CAPN2: variants seen among roughly 807,000 people sequenced by gnomAD.
The protein encoded by CAPN2 is calpain 2.
Under a neutral mutation model 102.3 loss-of-function variants are expected in CAPN2, and 92 were observed. The observed-to-expected ratio is 0.90, with a 90% CI of 0.76 to 1.07. The LOEUF (loss-of-function observed/expected upper bound fraction) is 1.07. CAPN2 is among the 50% of genes least tolerant of loss of function. The probability of loss-of-function intolerance (pLI) is 0.00; values close to 1 mark genes in which losing one functional copy is unlikely to be tolerated. For synonymous variants in CAPN2, 340 were observed against 355.4 expected (o/e 0.96, Z 0.49); for missense variants, 800 against 909.4 (o/e 0.88, Z 1.55).
intron 2 of CAPN2, among the ~76,000 whole-genome samples, chr1:223,728,742 G>A (rs1043120038): frequency 2.0e-5 from 3 of 152,170 alleles, no homozygotes; most frequent in Non-Finnish European, 4.4e-5. Context: ...TGTGTTTTCT[G>A]GGACTTCCCA....
chr1:223,744,627 G>C (rs28370052), intron 3 of CAPN2, among the ~76,000 whole-genome samples: 3 of 152,096 alleles, frequency 2.0e-5, no homozygotes, highest in Non-Finnish European at 4.4e-5. Context: ...TTGGGAGGCC[G>C]AGGTGGGCAG....
upstream of CAPN2, among the ~76,000 whole-genome samples, chr1:223,708,866 AGAAG>A (rs141273392): frequency 7.6e-4 from 116 of 152,140 alleles, no homozygotes; most frequent in East Asian, 0.018. Flanking sequence ...AGAGAAAAAG[AGAAG>A]GAAGGAAGGA....
intron 2 of CAPN2, among the ~76,000 whole-genome samples, 174 bp downstream of exon 2, chr1:223,718,005 C>T (rs987771906): frequency 2.0e-5 from 3 of 152,222 alleles, no homozygotes; most frequent in Admixed American, 6.5e-5. Flanking sequence ...ACCCTCAGCC[C>T]CATGCTGGGG....
chr1:223,740,444 T>C (rs1311316732), intron 2 of CAPN2, among the ~76,000 whole-genome samples: 2 of 152,220 alleles, frequency 1.3e-5, no homozygotes, highest in African/African-American at 4.8e-5. Flanking sequence ...TTCCATTGGC[T>C]GGAACAGGAC....
intron 5 of CAPN2, among the ~76,000 whole-genome samples, chr1:223,747,379 A>G (rs1474831915): frequency 6.6e-6 from 1 of 152,222 alleles, no homozygotes; most frequent in African/African-American, 2.4e-5. Context: ...ATACAAATGT[A>G]TGAATGTGGA....
chr1:223,752,982 G>A (rs756025574), intron 9 of CAPN2, 26 bp downstream of exon 9: 16 of 1,610,662 alleles, frequency 9.9e-6, no homozygotes, highest in Non-Finnish European at 1.4e-5. Context: ...TATAAGGGCT[G>A]TTGCAATGCG....
At position 223,721,479 on chromosome 1, in the gene CAPN2, C is replaced by A. The variant is rs1012974685; in HGVS notation, c.307+3648C>A. Among the ~76,000 whole-genome samples, 4 of 152,340 alleles carry A rather than the reference C, an allele frequency of 2.6e-5. No individual in the cohort carries two copies. In the East Asian group the frequency reaches 7.7e-4, roughly 29 times the overall value. On this transcript the variant is annotated intron_variant, in intron 2 of 20. Coordinates refer to ENST00000295006, the MANE Select transcript of CAPN2 (RefSeq NM_001748.5). ...ACCCCAGCCAGGAAGGCATAGGTCA[C>A]CTTGCAGGCCTCTGATTTCCTGGGG...
chr1:223,752,685 A>G, intron 8 of CAPN2, 111 bp from the exon 9 acceptor site: 1 of 983,350 alleles, frequency 1.0e-6, no homozygotes, highest in Non-Finnish European at 1.5e-6. Context: ...CTCAGTTCTA[A>G]TGAGCTGCTC....
Position 223,751,994 on chromosome 1 carries a change from C to G in CAPN2, c.900-3C>G. ...ACGCCTCTCTCTTTACTTTGTTTTC[C>G]AGCTGCCCAAGCTGGAACACTATAG... On this transcript the variant is annotated splice_region_variant and splice_polypyrimidine_tract_variant and intron_variant, in intron 7 of 20. Coordinates refer to ENST00000295006, the MANE Select transcript of CAPN2 (RefSeq NM_001748.5). The G allele has an allele frequency of 6.3e-7, 1 of 1,597,374 alleles. No individual in the cohort carries two copies.
intron 5 of CAPN2, among the ~76,000 whole-genome samples, chr1:223,748,298 G>A (rs1660800430): frequency 6.6e-6 from 1 of 152,222 alleles, no homozygotes; most frequent in Admixed American, 6.5e-5. Context: ...GGTCTCTGCG[G>A]GGGACAGAGA....
chr1:223,774,888 A>C lies in CAPN2; in HGVS notation c.*31A>C. 1 of 1,598,578 alleles carries C rather than the reference A, an allele frequency of 6.3e-7. No individual in the cohort carries two copies. Among genetic ancestry groups the C allele is most frequent in the South Asian group, 1.1e-5 (1 of 90,220 alleles). ...TAACTAATCTGCCTGAAGACTTCTC[A>C]TGATGGAAAATCAGCCAAGGACTAA... is the stretch of plus-strand genomic sequence containing the variant. On this transcript the variant is annotated 3_prime_UTR_variant, in exon 21 of 21. Coordinates refer to ENST00000295006, the MANE Select transcript of CAPN2 (RefSeq NM_001748.5).
rs1389237572 is a variant in CAPN2, at chr1:223,726,022, G to T, written c.307+8191G>T. On this transcript the variant is annotated intron_variant, in intron 2 of 20. Coordinates refer to ENST00000295006, the MANE Select transcript of CAPN2 (RefSeq NM_001748.5). The surrounding 1 kb of genome is among the most constrained non-coding windows in gnomAD (Gnocchi z 4.4). Reference sequence around the variant, plus strand: ...CGTCTCTCGGGAGACCAGGATCCGAGTGAGAAAGTTTCCCACGTTCATTCT... The same window carrying T: ...CGTCTCTCGGGAGACCAGGATCCGATTGAGAAAGTTTCCCACGTTCATTCT... 5.3e-5 allele frequency among the ~76,000 whole-genome samples: 8 copies of T among 152,184 alleles called. No homozygotes were observed. The highest frequency in any genetic ancestry group is 5.2e-4 in the Admixed American group (8 of 15,270).
intron 9 of CAPN2, among the ~76,000 whole-genome samples, chr1:223,753,693 A>G (rs1389640980): frequency 6.6e-6 from 1 of 152,250 alleles, no homozygotes; most frequent in Non-Finnish European, 1.5e-5. Flanking sequence ...ATGATACCAC[A>G]GGTGGAAAAT....
intron 2 of CAPN2, among the ~76,000 whole-genome samples, chr1:223,741,465 TA>T (rs1558068055): frequency 0.014 from 1,997 of 146,654 alleles, 72 homozygotes; most frequent in African/African-American, 0.045. Flanking sequence ...TATATATATA[TA>T]TATTTGAGAG....
chr1:223,706,123 C>T (rs1366654887), intron 1 of CAPN2, among the ~76,000 whole-genome samples: 1 of 152,218 alleles, frequency 6.6e-6, no homozygotes, highest in African/African-American at 2.4e-5. Context: ...ATACCCTAAG[C>T]TCCAACAGAC....
intron 6 of CAPN2, 64 bp from the exon 7 acceptor site, chr1:223,750,826 C>G: frequency 1.4e-6 from 2 of 1,479,680 alleles, no homozygotes; most frequent in East Asian, 2.5e-5. Context: ...GGTTGGAGGC[C>G]CAAGCCTTCA....
chr1:223,737,052 AATAAG>A (rs1558066217), intron 2 of CAPN2, among the ~76,000 whole-genome samples: 1 of 152,130 alleles, frequency 6.6e-6, no homozygotes, highest in Non-Finnish European at 1.5e-5. Context: ...AAAAAATAAA[AATAAG>A]AATAAAGAAA....
chr1:223,764,884 G>A (rs950917638), intron 15 of CAPN2, among the ~76,000 whole-genome samples: 1 of 152,170 alleles, frequency 6.6e-6, no homozygotes, highest in African/African-American at 2.4e-5. Context: ...CACCGTGCCC[G>A]GCCACATCTT....
At chr1:223,744,245 T>G in intron 3 of CAPN2, 27 bp downstream of exon 3, 12 of 1,435,968 alleles carry the variant, frequency 8.4e-6, no homozygotes, top group Non-Finnish European at 1.2e-5. Context: ...CTCAGGTGGT[T>G]CCTCAACAGG....
Sources: gnomAD v4.1 joint callset for allele counts (sites outside exome capture counted in the v4.1 genomes callset) on GRCh38, gnomAD v4.1.1 for gene constraint, Gnocchi (gnomAD v3.1) non-coding constraint, MANE v1.5 for transcripts, NCBI Gene and HGNC (gene_info 2026-07-23, HGNC 2026-07-21) for gene names.